The following EPB41L4A variants were observed in gnomAD, a reference collection of about 807,000 sequenced individuals.
EPB41L4A encodes the protein erythrocyte membrane protein band 4.1 like 4A.
EPB41L4A carries 100 observed loss-of-function variants against 108.6 expected under a neutral mutation model. The ratio of observed to expected loss-of-function variants is 0.92; its 90% CI spans 0.78 to 1.09. The LOEUF is 1.09. Ranked by LOEUF, EPB41L4A falls within the 50% of genes least tolerant of loss-of-function variation. The probability of loss-of-function intolerance (pLI) is 0.00; values close to 1 mark genes in which losing one functional copy is unlikely to be tolerated. For synonymous variants in EPB41L4A, 319 were observed against 289.0 expected, an observed-to-expected ratio of 1.10 and a Z score of -1.05; for missense variants, 1,030 against 842.7, an observed-to-expected ratio of 1.22 and a Z score of -2.75.
At chr5:112,171,038 C>G (rs755116746) in intron 18 of EPB41L4A, 46 bp from the exon 19 acceptor site, 1 of 1,506,406 alleles carries the variant, frequency 6.6e-7, no homozygotes, top group Non-Finnish European at 9.2e-7. Context: ...CATGCTTCAT[C>G]TCACAACCTA....
At chr5:112,260,486 C>T (rs758457557) in intron 7 of EPB41L4A, among the ~76,000 whole-genome samples, 2 of 152,160 alleles carry the variant, frequency 1.3e-5, no homozygotes, top group African/African-American at 2.4e-5. Context: ...GATTTATCTC[C>T]GATGCGGACA....
intron 12 of EPB41L4A, among the ~76,000 whole-genome samples, chr5:112,216,955 TA>T (rs1295243853): frequency 1.3e-5 from 2 of 152,178 alleles, no homozygotes; most frequent in African/African-American, 4.8e-5. Flanking sequence ...AAACCTTATA[TA>T]ATTTTCCTAT....
At chr5:112,288,468 A>C (rs565894348) in intron 2 of EPB41L4A, among the ~76,000 whole-genome samples, 12 of 152,220 alleles carry the variant, frequency 7.9e-5, no homozygotes, top group Non-Finnish European at 1.8e-4. Context: ...TTTATTAAAA[A>C]AGCAAGCAAG....
intron 1 of EPB41L4A, among the ~76,000 whole-genome samples, chr5:112,313,217 G>A (rs1755161835): frequency 6.6e-6 from 1 of 152,184 alleles, no homozygotes; most frequent in Non-Finnish European, 1.5e-5. Flanking sequence ...CTAGGGCTAT[G>A]AAGCGACTAA....
intron 18 of EPB41L4A, chr5:112,183,387 G>T (rs1005119281): frequency 6.6e-6 from 1 of 152,540 alleles, no homozygotes; most frequent in Non-Finnish European, 1.5e-5. Flanking sequence ...CCATGGTTTG[G>T]CAAGTGGAGT....
intron 12 of EPB41L4A, among the ~76,000 whole-genome samples, chr5:112,216,093 C>G (rs1326753208): frequency 6.6e-6 from 1 of 152,154 alleles, no homozygotes; most frequent in Non-Finnish European, 1.5e-5. Flanking sequence ...AGATTCTGTT[C>G]ACATTTGAGT....
At chr5:112,313,812 T>C (rs1755207988) in intron 1 of EPB41L4A, among the ~76,000 whole-genome samples, 1 of 150,938 alleles carries the variant, frequency 6.6e-6, no homozygotes, top group Non-Finnish European at 1.5e-5. Context: ...TATATTTACA[T>C]ATAAACAATT....
At chr5:112,199,769 C>G (rs1762132579) in intron 15 of EPB41L4A, among the ~76,000 whole-genome samples, 1 of 152,180 alleles carries the variant, frequency 6.6e-6, no homozygotes. Context: ...GGACAGCTCC[C>G]TCTCCTCTAC....
chr5:112,374,003 T>C (rs1368789243), intron 1 of EPB41L4A, among the ~76,000 whole-genome samples: 1 of 152,254 alleles, frequency 6.6e-6, no homozygotes, highest in Non-Finnish European at 1.5e-5. Flanking sequence ...GCAACTCATG[T>C]ATACACTTGT....
chr5:112,231,166 T>C (rs1378832695), intron 12 of EPB41L4A, among the ~76,000 whole-genome samples: 2 of 152,234 alleles, frequency 1.3e-5, no homozygotes, highest in African/African-American at 4.8e-5. Context: ...GAATTAAAGA[T>C]TGGTTGAATT....
At chr5:112,402,760 C>A (rs889409537) in intron 1 of EPB41L4A, among the ~76,000 whole-genome samples, 3 of 152,134 alleles carry the variant, frequency 2.0e-5, no homozygotes, top group Non-Finnish European at 4.4e-5. Flanking sequence ...TTCAAAAGCA[C>A]ATTTTTTTGG....
intron 1 of EPB41L4A, among the ~76,000 whole-genome samples, chr5:112,317,896 G>C (rs777525459): frequency 2.0e-5 from 3 of 152,110 alleles, no homozygotes; most frequent in Non-Finnish European, 4.4e-5. Context: ...ATGAACAAAA[G>C]TTCTTCCAGG....
At position 112,162,999 on chromosome 5, in the gene EPB41L4A, G is replaced by A. The variant is rs1355174131; in HGVS notation, c.*1991C>T. 6.6e-6 allele frequency: 1 copy of A among 152,194 alleles called. No homozygotes were observed. Among genetic ancestry groups the A allele is most frequent in the Non-Finnish European group, 1.5e-5 (1 of 68,046 alleles). 9.4% of individuals were successfully genotyped at this position (152,194 alleles called of 1,614,324 possible). A position where few individuals can be genotyped will look rare whatever the true frequency, so the allele number is the denominator to read the frequency against. ...AAGATGGCTATTATGGGAGGTGAGA[G>A]TGTTACAAAATGAGGCTGAAGAGGT... On this transcript the variant is annotated 3_prime_UTR_variant, in exon 23 of 23. Transcript: ENST00000261486.
chr5:112,223,627 G>T (rs1252522247), intron 12 of EPB41L4A, among the ~76,000 whole-genome samples: 1 of 152,112 alleles, frequency 6.6e-6, no homozygotes, highest in Non-Finnish European at 1.5e-5. Context: ...ATCAAGAATT[G>T]CAACAACAAA....
intron 1 of EPB41L4A, among the ~76,000 whole-genome samples, chr5:112,403,089 T>G (rs970311325): frequency 1.2e-4 from 19 of 152,088 alleles, no homozygotes; most frequent in African/African-American, 4.6e-4. Flanking sequence ...ATGAGGAGCC[T>G]CTAGTTTTTT....
chr5:112,243,258 C>CCT (rs1749934313), intron 9 of EPB41L4A, among the ~76,000 whole-genome samples: 1 of 139,730 alleles, frequency 7.2e-6, no homozygotes, highest in African/African-American at 2.8e-5. Flanking sequence ...CACACACACA[C>CCT]ATATATATAT....
At chr5:112,244,685 G>A (rs77277929) in intron 9 of EPB41L4A, among the ~76,000 whole-genome samples, 7,627 of 152,138 alleles carry the variant, frequency 0.05, 209 homozygotes, top group Middle Eastern at 0.071. Context: ...GTTGATCTGC[G>A]CCATCTTGTC....
chr5:112,383,978 A>C (rs1039679457), intron 1 of EPB41L4A, among the ~76,000 whole-genome samples: 10 of 152,252 alleles, frequency 6.6e-5, no homozygotes, highest in Non-Finnish European at 1.5e-4. Flanking sequence ...AAAAACTCTG[A>C]AAATATTACG....
intron 1 of EPB41L4A, among the ~76,000 whole-genome samples, chr5:112,371,832 A>G (rs575252492): frequency 5.9e-4 from 90 of 152,274 alleles, no homozygotes; most frequent in African/African-American, 2.0e-3. Flanking sequence ...CAACAATGCT[A>G]CAAGGCCAGA....
Sources: gnomAD v4.1 joint callset for allele counts (sites outside exome capture counted in the v4.1 genomes callset) on GRCh38, gnomAD v4.1.1 for gene constraint, MANE v1.5 for transcripts, NCBI Gene and HGNC (gene_info 2026-07-23, HGNC 2026-07-21) for gene names.